RIMBP2: variants seen among roughly 807,000 people sequenced by gnomAD.
RIMBP2 encodes the protein RIMS binding protein 2.
A neutral mutation model predicts 118.6 loss-of-function variants in RIMBP2; 48 were observed. The ratio of observed to expected loss-of-function variants is 0.40; its 90% confidence interval spans 0.32 to 0.51. The LOEUF is 0.51. Among genes scored for constraint, RIMBP2 ranks in the 20% least tolerant of loss-of-function variants. The pLI is 0.41. For missense variants in RIMBP2, 1,551 were observed against 1,768.3 expected (o/e 0.88, Z 2.20); for synonymous variants, 762 against 742.9 (o/e 1.03, Z -0.42).
intron 17 of RIMBP2, among the ~76,000 whole-genome samples, chr12:130,421,561 A>G (rs1230455107): frequency 2.0e-5 from 3 of 152,206 alleles, no homozygotes; most frequent in African/African-American, 7.2e-5. Context: ...AGCTATTTCA[A>G]CGAGATTCCA....
At chr12:130,602,420 G>T (rs2059927778) in intron 2 of RIMBP2, among the ~76,000 whole-genome samples, 1 of 152,210 alleles carries the variant, frequency 6.6e-6, no homozygotes, top group Admixed American at 6.5e-5. Context: ...AGGAGGATGT[G>T]TCCCTTCAAT....
chr12:130,580,742 C>G lies in RIMBP2; in HGVS notation c.-217+47580G>C, dbSNP rs373166596. Among the ~76,000 whole-genome samples, 3 of 152,094 alleles carry G rather than the reference C, an allele frequency of 2.0e-5. No homozygotes were observed. The East Asian group carries it at 5.8e-4, about 29-fold the overall frequency. ...ATCACTTGGGGTCAGAAGTTTGAGA[C>G]CAGCCTGGCCAACATGGTGAAACCC... On this transcript the variant is annotated intron_variant, in intron 2 of 22. Transcript: ENST00000690449.
chr12:130,596,010 A>G (rs1321716189), intron 2 of RIMBP2, among the ~76,000 whole-genome samples: 1 of 152,204 alleles, frequency 6.6e-6, no homozygotes, highest in East Asian at 1.9e-4. Context: ...GCTTCAGCCA[A>G]GAAGTATGGT....
intron 2 of RIMBP2, among the ~76,000 whole-genome samples, chr12:130,626,854 G>C: frequency 7.1e-6 from 1 of 141,542 alleles, no homozygotes; most frequent in East Asian, 2.2e-4. Context: ...ATGACTATCA[G>C]TCATCACCAT....
intron 2 of RIMBP2, among the ~76,000 whole-genome samples, chr12:130,625,552 A>T (rs2061570425): frequency 6.6e-6 from 1 of 152,146 alleles, no homozygotes; most frequent in African/African-American, 2.4e-5. Context: ...AACAGTCATG[A>T]GGACCTATTT....
At chr12:130,614,862 T>C (rs1594046463) in intron 2 of RIMBP2, among the ~76,000 whole-genome samples, 1 of 149,648 alleles carries the variant, frequency 6.7e-6, no homozygotes, top group East Asian at 1.9e-4. Flanking sequence ...TACAGATATA[T>C]AAAATATATA....
chr12:130,456,722 G>A, intron 6 of RIMBP2, 22 bp from the exon 7 acceptor site: 1 of 1,563,396 alleles, frequency 6.4e-7, no homozygotes, highest in Non-Finnish European at 8.7e-7. Context: ...AAGCAGGACA[G>A]GGGGTCAGCG....
At chr12:130,433,050 C>T (rs1357882019) in intron 14 of RIMBP2, among the ~76,000 whole-genome samples, 2 of 151,930 alleles carry the variant, frequency 1.3e-5, no homozygotes, top group Admixed American at 1.3e-4. Flanking sequence ...AAAACCCACA[C>T]TCTTGCTAAA....
At chr12:130,634,332 C>A (rs923269174) in intron 1 of RIMBP2, among the ~76,000 whole-genome samples, 1 of 152,148 alleles carries the variant, frequency 6.6e-6, no homozygotes, top group African/African-American at 2.4e-5. Context: ...GCAAGAAACG[C>A]GGAGTGAGGA....
rs868091905 is a variant in RIMBP2 at position 130,641,111 on chromosome 12, G to A, written c.-351-12655C>T. ...CTGATTCTAACACGTGCCTTGGAATGCCAGCACAGTGCTCTACTCGCAGCC... is the reference window on the plus strand; with the variant it reads ...CTGATTCTAACACGTGCCTTGGAATACCAGCACAGTGCTCTACTCGCAGCC... On this transcript the variant is annotated intron_variant, in intron 1 of 22. Coordinates refer to ENST00000690449, the MANE Select transcript of RIMBP2 (RefSeq NM_001393629.1). Among the ~76,000 whole-genome samples, 27 of 152,310 alleles carry A rather than the reference G, an allele frequency of 1.8e-4. No homozygotes were observed. The East Asian group carries it at 1.9e-3, about 11-fold the overall frequency.
chr12:130,646,188 TCAC>T (rs1312867702), intron 1 of RIMBP2, among the ~76,000 whole-genome samples: 1 of 78,518 alleles, frequency 1.3e-5, no homozygotes, highest in African/African-American at 4.1e-5. Flanking sequence ...TCCACCTCCC[TCAC>T]CACTTCCCTC....
intron 19 of RIMBP2, among the ~76,000 whole-genome samples, chr12:130,409,565 A>G (rs968785510): frequency 6.6e-6 from 1 of 151,672 alleles, no homozygotes; most frequent in Non-Finnish European, 1.5e-5. Context: ...AGGATGTTTC[A>G]ATCTCCTGAC....
intron 2 of RIMBP2, among the ~76,000 whole-genome samples, chr12:130,577,575 C>T (rs1165999207): frequency 6.6e-6 from 1 of 152,164 alleles, no homozygotes; most frequent in Non-Finnish European, 1.5e-5. Flanking sequence ...GCGAGAACAG[C>T]ATGGGGGAAA....
intron 2 of RIMBP2, among the ~76,000 whole-genome samples, chr12:130,589,304 G>T (rs190707668): frequency 1.5e-4 from 23 of 152,090 alleles, no homozygotes; most frequent in Non-Finnish European, 2.8e-4. Context: ...TACAACACAC[G>T]CTTTGTTCTG....
chr12:130,455,538 G>A (rs556002575), intron 7 of RIMBP2, among the ~76,000 whole-genome samples: 166 of 152,320 alleles, frequency 1.1e-3, no homozygotes, highest in African/African-American at 3.3e-3. Context: ...TACCCCACCC[G>A]GCATTCTCTC....
intron 3 of RIMBP2, among the ~76,000 whole-genome samples, chr12:130,515,379 C>G (rs1004555131): frequency 1.3e-5 from 2 of 152,136 alleles, no homozygotes; most frequent in African/African-American, 2.4e-5. Flanking sequence ...CCCTATCCCC[C>G]CTCTACCCAG....
At chr12:130,572,881 A>G (rs746199192) in intron 2 of RIMBP2, among the ~76,000 whole-genome samples, 1 of 152,142 alleles carries the variant, frequency 6.6e-6, no homozygotes, top group Non-Finnish European at 1.5e-5. Context: ...GGCAGGAGCC[A>G]GGGTAGGAGC....
chr12:130,468,768 C>T (rs1215800019), intron 6 of RIMBP2, among the ~76,000 whole-genome samples: 2 of 152,230 alleles, frequency 1.3e-5, no homozygotes, highest in Non-Finnish European at 2.9e-5. Flanking sequence ...GCTCTCTCAA[C>T]AACTCTGGCC....
At chr12:130,641,820 C>T (rs185740857) in intron 1 of RIMBP2, among the ~76,000 whole-genome samples, 23 of 152,102 alleles carry the variant, frequency 1.5e-4, no homozygotes, top group African/African-American at 4.8e-4. Context: ...CAAGGGGTGC[C>T]GAGCGTGGCT....
Sources: allele counts gnomAD v4.1 joint callset (sites outside exome capture counted in the v4.1 genomes callset), GRCh38; gene constraint gnomAD v4.1.1; transcripts MANE v1.5; gene names NCBI Gene and HGNC (gene_info 2026-07-23, HGNC 2026-07-21).